FYCO1: variants seen among roughly 807,000 people sequenced by gnomAD.
FYCO1 encodes FYVE and coiled-coil domain autophagy adaptor 1.
FYCO1 carries 122 observed loss-of-function variants against 165.1 expected under a neutral mutation model. The observed-to-expected ratio is 0.74, with a 90% CI of 0.64 to 0.86. The LOEUF (loss-of-function observed/expected upper bound fraction) is 0.86. Among genes scored for constraint, FYCO1 ranks in the 40% least tolerant of loss-of-function variants. FYCO1 has a pLI of 0.00. For synonymous variants in FYCO1, 648 were observed against 742.5 expected, an observed-to-expected ratio of 0.87 and a Z score of 2.07; for missense variants, 1,702 against 1,810.3, an observed-to-expected ratio of 0.94 and a Z score of 1.09.
chr3:45,942,990 G>T (rs1369913828), intron 14 of FYCO1, among the ~76,000 whole-genome samples: 1 of 152,142 alleles, frequency 6.6e-6, no homozygotes, highest in Non-Finnish European at 1.5e-5. Context: ...TTGTTATTTT[G>T]GCTATGGTCC....
At chr3:45,984,104 T>A (rs1707193493) in intron 2 of FYCO1, among the ~76,000 whole-genome samples, 2 of 152,154 alleles carry the variant, frequency 1.3e-5, no homozygotes, top group Admixed American at 1.3e-4. Context: ...GACTGTGTAG[T>A]ATCAAGTGTC....
At chr3:45,976,324 G>T (rs1278947792) in intron 4 of FYCO1, among the ~76,000 whole-genome samples, 1 of 152,250 alleles carries the variant, frequency 6.6e-6, no homozygotes, top group East Asian at 1.9e-4. Context: ...TCTGCCATGA[G>T]GCTGCAAAGC....
Position 45,930,968 on chromosome 3 carries a change from G to C in FYCO1, c.4251+103C>G, listed in dbSNP as rs1399136432. ...GCCCAGAACATTCCAAGTGAGGCCT[G>C]CCCAGCAGAGGATAGGATGGCCACT... On this transcript the variant is annotated intron_variant, in intron 16 of 17. Coordinates refer to ENST00000296137, the MANE Select transcript of FYCO1 (RefSeq NM_024513.4). 89 of 1,061,820 alleles carry C rather than the reference G, an allele frequency of 8.4e-5. No homozygotes were observed. In the East Asian group the frequency reaches 2.3e-3, roughly 27 times the overall value. 65.8% of individuals were successfully genotyped at this position (1,061,820 alleles called of 1,614,324 possible). A position where few individuals can be genotyped will look rare whatever the true frequency, so the allele number is the denominator to read the frequency against.
chr3:45,925,204 A>G (rs986680646), intron 16 of FYCO1, among the ~76,000 whole-genome samples: 5 of 149,602 alleles, frequency 3.3e-5, no homozygotes, highest in African/African-American at 1.2e-4. Flanking sequence ...CTGGGATTAC[A>G]GGCGTGAGCC....
intron 10 of FYCO1, among the ~76,000 whole-genome samples, chr3:45,963,721 T>C (rs1042984415): frequency 1.2e-4 from 18 of 152,244 alleles, no homozygotes; most frequent in African/African-American, 3.4e-4. Context: ...CTGTGTCCCA[T>C]GACCACATGG....
rs532598424 is a variant in FYCO1 at position 45,929,018 on chromosome 3, C to A, written c.4251+2053G>T. Among the ~76,000 whole-genome samples the A allele has an allele frequency of 8.5e-5, 13 of 152,370 alleles. No homozygotes were observed. The South Asian group carries it at 1.9e-3, about 22-fold the overall frequency. ...AGTCTGAGTGCTGCAATTTGCACTGCATCTGTCATTTCCTCTAAGGCCCAG... is the reference window on the plus strand; with the variant it reads ...AGTCTGAGTGCTGCAATTTGCACTGAATCTGTCATTTCCTCTAAGGCCCAG... On this transcript the variant is annotated intron_variant, in intron 16 of 17. Transcript: ENST00000296137.
chr3:45,965,257 C>T (rs1291230397), intron 8 of FYCO1, 132 bp from the exon 9 acceptor site: 1 of 687,946 alleles, frequency 1.5e-6, no homozygotes, highest in Non-Finnish European at 2.6e-6. Context: ...CCTCAATGAG[C>T]TTTGGGTTTA....
chr3:45,955,299 C>T lies in FYCO1; in HGVS notation c.3894G>A (p.Leu1298=). Reference sequence around the variant, plus strand: ...AATCAGTTTCAGTGGGTGTTTCAGGCAAAGAGGAGCCGGACTCCTGTATCT... The same window carrying T: ...AATCAGTTTCAGTGGGTGTTTCAGGTAAAGAGGAGCCGGACTCCTGTATCT... ...LCQIQESGSS[L]PETPTETDSL... Residue 1298 remains leucine, a synonymous_variant, in exon 14 of 18, where the codon TTG becomes TTA. Coordinates refer to ENST00000296137, the MANE Select transcript of FYCO1 (RefSeq NM_024513.4). 2 of 1,614,134 alleles carry T rather than the reference C, an allele frequency of 1.2e-6. No individual in the cohort carries two copies. The highest frequency in any genetic ancestry group is 1.7e-6 in the Non-Finnish European group (2 of 1,180,038).
At chr3:45,994,035 T>C (rs1707680963) in intron 1 of FYCO1, among the ~76,000 whole-genome samples, 1 of 152,284 alleles carries the variant, frequency 6.6e-6, no homozygotes, top group East Asian at 1.9e-4. Flanking sequence ...TCTTGCTCTG[T>C]TATGGGTGAT....
chr3:45,965,109 C>T lies in FYCO1; in HGVS notation c.3074G>A (p.Cys1025Tyr). ...QSRLKNAGEE[C>Y]KSLRGQLEEQ... The stretch of plus-strand genomic sequence containing the variant: ...CTCAAGCTGGCCCCTGAGGCTCTTG[C>T]ACTCTTCACCAGCATTCTAGAGAGG... The change falls in exon 9 of 18, where the codon TGC becomes TAC. Residue 1025 changes from cysteine to tyrosine, a missense_variant. Transcript: ENST00000296137. 6.2e-7 allele frequency: 1 copy of T among 1,613,772 alleles called. No individual in the cohort carries two copies. Among genetic ancestry groups the T allele is most frequent in the Non-Finnish European group, 8.5e-7 (1 of 1,179,800 alleles).
At chr3:45,986,463 C>T (rs531809162) in intron 1 of FYCO1, among the ~76,000 whole-genome samples, 51 of 152,340 alleles carry the variant, frequency 3.3e-4, no homozygotes, top group African/African-American at 1.2e-3. Flanking sequence ...GGATTCCTGC[C>T]TCTGCCCGAG....
At chr3:45,988,503 C>T (rs1037516086) in intron 1 of FYCO1, among the ~76,000 whole-genome samples, 1 of 152,184 alleles carries the variant, frequency 6.6e-6, no homozygotes, top group Non-Finnish European at 1.5e-5. Flanking sequence ...CATACTACCA[C>T]GGCTGCCCCA....
chr3:45,973,057 G>A, intron 6 of FYCO1, 31 bp downstream of exon 6: 1 of 1,613,396 alleles, frequency 6.2e-7, no homozygotes, highest in Non-Finnish European at 8.5e-7. Flanking sequence ...CTCTTTTCCT[G>A]TCTTTTAAAC....
At chr3:45,939,433 C>T (rs917059157) in intron 14 of FYCO1, among the ~76,000 whole-genome samples, 1 of 152,200 alleles carries the variant, frequency 6.6e-6, no homozygotes, top group Non-Finnish European at 1.5e-5. Flanking sequence ...CATGGTGGAG[C>T]CCCTTCAGCT....
Position 45,930,333 on chromosome 3 carries a change from C to A in FYCO1, c.4251+738G>T, listed in dbSNP as rs1320502151. Reference sequence around the variant, plus strand: ...ACCTCAGGCATGGGTCTCCCTTCTCCTTGCCCCATACTGAATCAGCCACCC... The same window carrying A: ...ACCTCAGGCATGGGTCTCCCTTCTCATTGCCCCATACTGAATCAGCCACCC... On this transcript the variant is annotated intron_variant, in intron 16 of 17. Transcript: ENST00000296137. Among the ~76,000 whole-genome samples, 4 of 152,222 alleles carry A rather than the reference C, an allele frequency of 2.6e-5. No individual in the cohort carries two copies. In the East Asian group the frequency reaches 5.8e-4, roughly 22 times the overall value.
At position 45,967,402 on chromosome 3, in the gene FYCO1, G is replaced by A. The variant is rs138112505; in HGVS notation, c.1932C>T (p.Ala644=). Residue 644 remains alanine, a synonymous_variant, in exon 8 of 18, where the codon GCC becomes GCT. Transcript: ENST00000296137. ...LLEGKLQALQ[A]DYQALQQRES... is the part of the protein sequence containing the mutation. The stretch of plus-strand genomic sequence containing the variant: ...CCCGCTGCTGCAAAGCCTGGTAATC[G>A]GCCTGCAGGGCTTGCAGCTTGCCCT... 1.6e-5 allele frequency: 26 copies of A among 1,612,400 alleles called. No individual in the cohort carries two copies. The highest frequency in any genetic ancestry group is 8.9e-5 in the East Asian group (4 of 44,824).
rs201265257 is a variant in FYCO1, at chr3:45,967,519, C to A, written c.1815G>T (p.Val605=). 2.1e-4 allele frequency: 332 copies of A among 1,613,708 alleles called. No homozygotes were observed. Among genetic ancestry groups the A allele is most frequent in the Non-Finnish European group, 2.6e-4 (307 of 1,179,986 alleles). Reference sequence around the variant, plus strand: ...GCTCTTCCTCCTGGCTGCCCTCTTGCACCTTGGTATCGTCTAACTGTGCCT... The same window carrying A: ...GCTCTTCCTCCTGGCTGCCCTCTTGAACCTTGGTATCGTCTAACTGTGCCT... ...LQEAQLDDTK[V]QEGSQEEELR... is the part of the protein sequence containing the mutation. Residue 605 remains valine (V), a synonymous_variant, in exon 8 of 18, where the codon GTG becomes GTT. Transcript: ENST00000296137.
At chr3:45,930,198 T>G (rs994607993) in intron 16 of FYCO1, among the ~76,000 whole-genome samples, 94 of 152,228 alleles carry the variant, frequency 6.2e-4, no homozygotes, top group Non-Finnish European at 8.2e-4. Flanking sequence ...CTTTTACCAT[T>G]TCTTTCACTC....
intron 5 of FYCO1, 72 bp downstream of exon 5, chr3:45,975,167 C>T: frequency 2.0e-6 from 2 of 1,001,358 alleles, no homozygotes. Context: ...TTGCAGCTGT[C>T]ATTATTATTA....
Sources: gnomAD v4.1 joint callset for allele counts (sites outside exome capture counted in the v4.1 genomes callset) on GRCh38, gnomAD v4.1.1 for gene constraint, MANE v1.5 for transcripts, NCBI Gene and HGNC (gene_info 2026-07-23, HGNC 2026-07-21) for gene names.